CDH6: variants seen among roughly 807,000 people sequenced by gnomAD.
The protein encoded by CDH6 is cadherin-6.
Under a neutral mutation model 78.0 loss-of-function variants are expected in CDH6, and 31 were observed. The observed-to-expected ratio is 0.40, with a 90% CI of 0.30 to 0.54. CDH6 has a LOEUF of 0.54. CDH6 is among the 20% of genes least tolerant of loss of function. The pLI is 0.56. For missense variants in CDH6, 724 were observed against 975.9 expected (o/e 0.74, Z 3.44); for synonymous variants, 376 against 368.8 (o/e 1.02, Z -0.23).
intron 2 of CDH6, among the ~76,000 whole-genome samples, chr5:31,278,289 A>G (rs1246906750): frequency 6.6e-6 from 1 of 152,204 alleles, no homozygotes; most frequent in African/African-American, 2.4e-5. Flanking sequence ...TGGAAATTTC[A>G]TATCAAAATG....
At chr5:31,248,290 C>G (rs1741815830) in intron 1 of CDH6, among the ~76,000 whole-genome samples, 1 of 152,142 alleles carries the variant, frequency 6.6e-6, no homozygotes, top group African/African-American at 2.4e-5. Context: ...CTGGTAATGA[C>G]TTGGGGGAAG....
intron 1 of CDH6, among the ~76,000 whole-genome samples, chr5:31,218,479 T>C (rs1740924422): frequency 6.6e-6 from 1 of 152,136 alleles, no homozygotes; most frequent in Non-Finnish European, 1.5e-5. Flanking sequence ...TTTAAAGAAA[T>C]TGGACCCACT....
chr5:31,287,313 C>T (rs991148468), intron 2 of CDH6, among the ~76,000 whole-genome samples: 2 of 152,072 alleles, frequency 1.3e-5, no homozygotes, highest in African/African-American at 4.8e-5. Flanking sequence ...TGAATGGAGA[C>T]TAAGATCAGT....
chr5:31,224,727 T>C (rs1741101349), intron 1 of CDH6, among the ~76,000 whole-genome samples: 1 of 152,092 alleles, frequency 6.6e-6, no homozygotes, highest in African/African-American at 2.4e-5. Context: ...CTAAATTTTG[T>C]AGAACAGGAT....
At chr5:31,256,034 G>A (rs1742045000) in intron 1 of CDH6, among the ~76,000 whole-genome samples, 2 of 152,144 alleles carry the variant, frequency 1.3e-5, no homozygotes, top group Admixed American at 1.3e-4. Context: ...TTTTTGCTGT[G>A]TGTATGTGTG....
intron 1 of CDH6, among the ~76,000 whole-genome samples, chr5:31,200,567 TAC>T (rs10533381): frequency 0.097 from 13,977 of 144,052 alleles, 748 homozygotes; most frequent in African/African-American, 0.16. Flanking sequence ...CACACATACA[TAC>T]ACACACACAC....
At chr5:31,293,367 A>T (rs73758196) in intron 2 of CDH6, among the ~76,000 whole-genome samples, 1 of 76,974 alleles carries the variant, frequency 1.3e-5, no homozygotes, top group East Asian at 4.2e-4. Flanking sequence ...GTTGAATTTC[A>T]TAAATAAATA....
At chr5:31,318,006 C>G in intron 11 of CDH6, 82 bp downstream of exon 11, 1 of 1,512,564 alleles carries the variant, frequency 6.6e-7, no homozygotes, top group Non-Finnish European at 9.1e-7. Context: ...TTATCTGCCT[C>G]CCCCATTAAG....
intron 1 of CDH6, among the ~76,000 whole-genome samples, chr5:31,261,239 G>T (rs1321014743): frequency 6.6e-6 from 1 of 152,028 alleles, no homozygotes; most frequent in Non-Finnish European, 1.5e-5. Context: ...ACAAAGACAG[G>T]GCAGGACTCT....
chr5:31,301,075 A>C (rs998878545), intron 5 of CDH6, among the ~76,000 whole-genome samples: 3 of 152,190 alleles, frequency 2.0e-5, no homozygotes, highest in African/African-American at 4.8e-5. Context: ...GTGAGCCATG[A>C]TCACGCCACT....
chr5:31,267,466 C>T lies in CDH6; in HGVS notation c.-8C>T. The T allele has an allele frequency of 6.2e-7, 1 of 1,611,112 alleles. No individual in the cohort carries two copies. The highest frequency in any genetic ancestry group is 1.1e-5 in the South Asian group (1 of 91,020). On this transcript the variant is annotated 5_prime_UTR_variant, in exon 2 of 12. Coordinates refer to ENST00000265071, the MANE Select transcript of CDH6 (RefSeq NM_004932.4). The stretch of plus-strand genomic sequence containing the variant: ...CTCACTACGCACAGACTCGACGGTG[C>T]CATCAGCATGAGAACTTACCGCTAC...
intron 11 of CDH6, chr5:31,318,437 G>T: frequency 7.8e-6 from 2 of 256,302 alleles, no homozygotes; most frequent in Admixed American, 9.5e-5. Context: ...CCATTTAAAT[G>T]ATTACCTTCT....
intron 1 of CDH6, among the ~76,000 whole-genome samples, chr5:31,255,431 C>A (rs1267962171): frequency 6.6e-6 from 1 of 152,300 alleles, no homozygotes; most frequent in Admixed American, 6.5e-5. Context: ...TAGTAAACAT[C>A]GAACAAGGGC....
rs534009831 is a variant in CDH6, at chr5:31,245,223, G to A, written c.-128-22123G>A. On this transcript the variant is annotated intron_variant, in intron 1 of 11. Coordinates refer to ENST00000265071, the MANE Select transcript of CDH6 (RefSeq NM_004932.4). The stretch of plus-strand genomic sequence containing the variant: ...TGAATTGAGGCTATCTACCAACTAA[G>A]GAAGGCCTAAAATAGTCATGGACCC... Among the ~76,000 whole-genome samples, 21 of 152,228 alleles carry A rather than the reference G, an allele frequency of 1.4e-4. No homozygotes were observed. In the South Asian group the frequency reaches 3.7e-3, roughly 27 times the overall value.
In CDH6 at chr5:31,305,174, C is replaced by G; in HGVS notation, c.1000C>G (p.Leu334Val). The G allele has an allele frequency of 6.2e-7, 1 of 1,610,872 alleles. No homozygotes were observed. The highest frequency in any genetic ancestry group is 8.5e-7 in the Non-Finnish European group (1 of 1,178,336). ...TQEGIITVKKLLDFEKKKVYT... is the reference protein window; with the variant it reads ...TQEGIITVKKVLDFEKKKVYT... ...TTCTTCCCCCACCCCCAACCTCAAG[C>G]TCTTGGACTTTGAAAAGAAGAAAGT... Residue 334 changes from leucine to valine, a missense_variant and splice_region_variant, in exon 7 of 12, where the codon CTC (leucine) becomes GTC (valine). This residue lies in a region of CDH6 where 446 missense variants were observed against 684.5 expected (regional missense o/e 0.65). Transcript: ENST00000265071.
chr5:31,317,447 C>A lies in CDH6; in HGVS notation c.1585C>A (p.Pro529Thr). ...SGHQFSFSLA[P>T]EAASGSNFTI... ...ACACCAATTTTCGTTTTCCTTGGCC[C>A]CTGAAGCAGCCAGTGGCTCAAACTT... Residue 529 changes from proline to threonine, a missense_variant, in exon 10 of 12, where the codon CCT (proline) becomes ACT (threonine). Transcript: ENST00000265071. 1 of 1,613,284 alleles carries A rather than the reference C, an allele frequency of 6.2e-7. No individual in the cohort carries two copies. The highest frequency in any genetic ancestry group is 8.5e-7 in the Non-Finnish European group (1 of 1,179,372).
intron 9 of CDH6, 80 bp downstream of exon 9, chr5:31,316,409 C>A: frequency 1.6e-6 from 2 of 1,267,534 alleles, no homozygotes; most frequent in South Asian, 1.4e-5. Flanking sequence ...ATTCACAGAG[C>A]TGAAGGAGAG....
chr5:31,305,784 A>G (rs1737974724), intron 7 of CDH6, among the ~76,000 whole-genome samples: 1 of 152,162 alleles, frequency 6.6e-6, no homozygotes, highest in Admixed American at 6.5e-5. Context: ...TACCAATTCA[A>G]TGTAAATTCT....
chr5:31,194,580 A>G (rs1418452404), intron 1 of CDH6, among the ~76,000 whole-genome samples: 1 of 152,128 alleles, frequency 6.6e-6, no homozygotes, highest in Non-Finnish European at 1.5e-5. Context: ...AAAGTCCAAC[A>G]CTGGACTCCG....
Sources: gnomAD v4.1 joint callset for allele counts (sites outside exome capture counted in the v4.1 genomes callset) on GRCh38, gnomAD v4.1.1 for gene constraint, gnomAD v4.1.1 regional missense constraint, MANE v1.5 for transcripts, NCBI Gene and HGNC (gene_info 2026-07-23, HGNC 2026-07-21) for gene names.